PCDH15: variants seen among roughly 807,000 people sequenced by gnomAD.
PCDH15 encodes protocadherin related 15.
In PCDH15, 129 loss-of-function variants were observed where a neutral mutation model predicts 178.5. That is an observed-to-expected ratio of 0.72 (90% CI 0.63 to 0.84). The LOEUF (loss-of-function observed/expected upper bound fraction) is 0.84. Among genes scored for constraint, PCDH15 ranks in the 40% least tolerant of loss-of-function variants. The pLI, the probability that PCDH15 is intolerant of heterozygous loss-of-function variation, is 0.00. For missense variants in PCDH15, 2,230 were observed against 2,099.9 expected, an observed-to-expected ratio of 1.06 and a Z score of -1.21; for synonymous variants, 800 against 732.0, an observed-to-expected ratio of 1.09 and a Z score of -1.50.
At chr10:53,828,191 A>G (rs368761383) in intron 31 of PCDH15, among the ~76,000 whole-genome samples, 15 of 131,242 alleles carry the variant, frequency 1.1e-4, no homozygotes, top group Admixed American at 6.1e-4. Flanking sequence ...GGCCAACAAG[A>G]GCAAAAAGTC....
chr10:54,861,730 C>T (rs1953846783), intron 3 of PCDH15, among the ~76,000 whole-genome samples: 1 of 152,140 alleles, frequency 6.6e-6, no homozygotes, highest in African/African-American at 2.4e-5. Context: ...TAAAAGACAT[C>T]CAAATTTGAA....
chr10:54,308,172 C>G (rs535186171), intron 8 of PCDH15, among the ~76,000 whole-genome samples: 2 of 152,166 alleles, frequency 1.3e-5, no homozygotes, highest in South Asian at 4.1e-4. Context: ...TGCAAATTTT[C>G]CCTCATAATT....
At position 54,300,546 on chromosome 10, in the gene PCDH15, C is replaced by T. The variant is rs768133129; in HGVS notation, c.876+16725G>A. Reference sequence around the variant, plus strand: ...GCAGGGCCCCTTCTTCGCCCCTATCCGGCAGGAAGTAGCTAGAGTGGTCAT... The same window carrying T: ...GCAGGGCCCCTTCTTCGCCCCTATCTGGCAGGAAGTAGCTAGAGTGGTCAT... On this transcript the variant is annotated intron_variant, in intron 8 of 37. Transcript: ENST00000644397. Among the ~76,000 whole-genome samples the T allele has an allele frequency of 5.7e-4, 87 of 152,114 alleles. 2 individuals are homozygous for T. The highest frequency in any genetic ancestry group is 3.3e-4 in the Admixed American group (5 of 15,268).
intron 1 of PCDH15, among the ~76,000 whole-genome samples, chr10:55,226,944 A>G (rs1262668415): frequency 6.6e-6 from 1 of 152,068 alleles, no homozygotes; most frequent in Non-Finnish European, 1.5e-5. Flanking sequence ...TAGAAAATGG[A>G]AAGTGGAAAT....
rs71014459 is a variant in PCDH15 at position 55,175,663 on chromosome 10, C to CAAAA, written c.-155-9016_-155-9013dup. Among the ~76,000 whole-genome samples the CAAAA allele has an allele frequency of 9.5e-3, 1,016 of 106,586 alleles. 12 individuals carry two copies. The highest frequency in any genetic ancestry group is 0.014 in the Non-Finnish European group (740 of 53,258). The allele number at this position is 106,586 out of a possible 152,430, so 69.9% of individuals were successfully genotyped here. A position where few individuals can be genotyped will look rare whatever the true frequency, so the allele number is the denominator to read the frequency against. ...CCTGGGCAACAGAGAGACTCTGTCT[C>CAAAA]AAAAAAAAAAAAAAAGAAAAAGAAA... On this transcript the variant is annotated intron_variant, in intron 1 of 5. Transcript: ENST00000458638.
intron 23 of PCDH15, among the ~76,000 whole-genome samples, chr10:53,944,907 C>T (rs1301765020): frequency 6.6e-6 from 1 of 152,198 alleles, no homozygotes; most frequent in African/African-American, 2.4e-5. Flanking sequence ...GTTTGATGTC[C>T]TTGCATATCC....
chr10:55,324,894 T>C (rs1188848243), intron 2 of PCDH15, among the ~76,000 whole-genome samples: 3 of 152,126 alleles, frequency 2.0e-5, no homozygotes, highest in African/African-American at 7.2e-5. Flanking sequence ...AAAATTAATG[T>C]GCAAAAATTA....
intron 1 of PCDH15, among the ~76,000 whole-genome samples, chr10:54,722,485 G>A (rs1941784743): frequency 6.7e-6 from 1 of 149,778 alleles, no homozygotes; most frequent in Non-Finnish European, 1.5e-5. Flanking sequence ...GATCCTTTGT[G>A]TTGTTTATTT....
chr10:54,650,756 T>TC (rs147316301), intron 2 of PCDH15, among the ~76,000 whole-genome samples: 2,504 of 152,146 alleles, frequency 0.016, 67 homozygotes, highest in African/African-American at 0.057. Context: ...AAAAGGGGTT[T>TC]CCCCTTACAA....
chr10:54,427,822 AAAT>A (rs1452291342), intron 3 of PCDH15, among the ~76,000 whole-genome samples: 2 of 152,182 alleles, frequency 1.3e-5, no homozygotes, highest in African/African-American at 4.8e-5. Context: ...AAAGTTATTC[AAAT>A]ATTTCAGCAT....
chr10:54,905,332 T>C (rs1168969238), intron 2 of PCDH15, among the ~76,000 whole-genome samples: 1 of 152,100 alleles, frequency 6.6e-6, no homozygotes, highest in Non-Finnish European at 1.5e-5. Context: ...CATAAGCACA[T>C]ACAAGCAACA....
At chr10:54,430,050 T>A (rs1055986198) in intron 3 of PCDH15, among the ~76,000 whole-genome samples, 9 of 19,770 alleles carry the variant, frequency 4.6e-4, no homozygotes, top group Non-Finnish European at 1.0e-3. Flanking sequence ...CTTCTTCTCC[T>A]TTTTTTTTTT....
chr10:54,438,129 C>T (rs2075545292), intron 3 of PCDH15, among the ~76,000 whole-genome samples: 1 of 152,100 alleles, frequency 6.6e-6, no homozygotes. Context: ...ACCTGTTCCT[C>T]ACCTAGCTCA....
chr10:54,037,167 C>T (rs547386629), intron 18 of PCDH15, among the ~76,000 whole-genome samples: 17 of 151,910 alleles, frequency 1.1e-4, no homozygotes, highest in Non-Finnish European at 2.1e-4. Flanking sequence ...AATGAAGATG[C>T]TGTGAACATT....
At chr10:55,362,392 T>C (rs902119293) in intron 2 of PCDH15, among the ~76,000 whole-genome samples, 19 of 152,228 alleles carry the variant, frequency 1.2e-4, no homozygotes, top group African/African-American at 4.6e-4. Flanking sequence ...AGAACAACCT[T>C]TCCTCAAGAT....
At chr10:55,437,937 A>G (rs915407318) in intron 2 of PCDH15, among the ~76,000 whole-genome samples, 1 of 145,494 alleles carries the variant, frequency 6.9e-6, no homozygotes, top group African/African-American at 2.6e-5. Context: ...TCCCGGGTTC[A>G]AGCAGTTCTC....
intron 2 of PCDH15, among the ~76,000 whole-genome samples, chr10:55,064,585 C>CTT (rs146259553): frequency 6.6e-6 from 1 of 151,286 alleles, no homozygotes; most frequent in Admixed American, 6.6e-5. Flanking sequence ...TAAAATATAA[C>CTT]TTTTTTTTTC....
chr10:54,438,929 T>C (rs1367678121), intron 3 of PCDH15, among the ~76,000 whole-genome samples: 2 of 152,124 alleles, frequency 1.3e-5, no homozygotes, highest in Admixed American at 6.6e-5. Context: ...TCTCTTTACA[T>C]AAGAGCACAG....
At chr10:55,487,978 T>C (rs554020467) in intron 2 of PCDH15, among the ~76,000 whole-genome samples, 1 of 151,702 alleles carries the variant, frequency 6.6e-6, no homozygotes, top group Admixed American at 6.6e-5. Flanking sequence ...TGGTTAGCCT[T>C]CAGATTTATT....
Sources: allele counts gnomAD v4.1 joint callset (sites outside exome capture counted in the v4.1 genomes callset), GRCh38; gene constraint gnomAD v4.1.1; transcripts MANE v1.5; gene names NCBI Gene and HGNC (gene_info 2026-07-23, HGNC 2026-07-21).